KCTD1: variants seen among roughly 807,000 people sequenced by gnomAD.
KCTD1 encodes the protein BTB/POZ domain-containing protein KCTD1.
In KCTD1, 24 loss-of-function variants were observed where a neutral mutation model predicts 66.0. The ratio of observed to expected loss-of-function variants is 0.36; its 90% CI spans 0.26 to 0.51. KCTD1 has a LOEUF of 0.51. KCTD1 is among the 20% of genes least tolerant of loss of function. KCTD1 has a pLI of 0.95. For missense variants in KCTD1, 943 were observed against 1,205.2 expected (o/e 0.78, Z 3.22); for synonymous variants, 511 against 517.2 (o/e 0.99, Z 0.16).
chr18:26,510,557 C>T (rs1598907111), intron 1 of KCTD1, among the ~76,000 whole-genome samples: 1 of 152,096 alleles, frequency 6.6e-6, no homozygotes, highest in African/African-American at 2.4e-5. Flanking sequence ...CCTCAACATG[C>T]CTTTTTGTTT....
rs909794830 is a variant in KCTD1, at chr18:26,469,193, G to A, written c.2133+7322C>T. Among the ~76,000 whole-genome samples, 5 of 150,752 alleles carry A rather than the reference G, an allele frequency of 3.3e-5. No individual in the cohort carries two copies. The East Asian group carries it at 7.8e-4, about 23-fold the overall frequency. On this transcript the variant is annotated intron_variant, in intron 3 of 4. Coordinates refer to ENST00000580059, the MANE Select transcript of KCTD1 (RefSeq NM_001142730.3). The stretch of plus-strand genomic sequence containing the variant: ...TTGTTTTTTTTTTTTTCCCTCAAGC[G>A]TGGGTTACAGCTAAATCCTTAGCCA...
At position 26,646,273 on chromosome 18, in the gene KCTD1, G is replaced by T. The variant is rs482762; in HGVS notation, c.9+11087C>A. Among the ~76,000 whole-genome samples the T allele has an allele frequency of 5.2e-3, 795 of 152,280 alleles. 4 individuals are homozygous for T. Among genetic ancestry groups the T allele is most frequent in the Admixed American group, 9.5e-3 (145 of 15,290 alleles). On this transcript the variant is annotated intron_variant, in intron 1 of 4. Transcript: ENST00000580191. ...CCAATATACTTTGTCAAGTTGTTAG[G>T]GGGAGCAGGAGGGAGAAAGAAAGAG...
At chr18:26,581,745 C>A (rs2144922683) in intron 1 of KCTD1, 1 of 152,166 alleles carries the variant, frequency 6.6e-6, no homozygotes, top group Admixed American at 6.6e-5. Context: ...TAAATAAATA[C>A]ATACATATTT....
chr18:26,579,180 G>A (rs775406334), intron 1 of KCTD1, among the ~76,000 whole-genome samples: 5 of 152,082 alleles, frequency 3.3e-5, no homozygotes, highest in South Asian at 2.1e-4. Flanking sequence ...CACACAGTCA[G>A]TGCTCTAAAC....
chr18:26,590,153 A>T (rs1986565092), intron 1 of KCTD1, among the ~76,000 whole-genome samples: 1 of 151,992 alleles, frequency 6.6e-6, no homozygotes, highest in Non-Finnish European at 1.5e-5. Context: ...GCATGATCTC[A>T]GCTCACTGCA....
At chr18:26,588,198 T>C (rs1658997) in intron 1 of KCTD1, among the ~76,000 whole-genome samples, 32,251 of 152,032 alleles carry the variant, frequency 0.21, 3,539 homozygotes, top group East Asian at 0.33. Flanking sequence ...AAGCCAAGGC[T>C]GGCTTGAACC....
At chr18:26,620,378 A>ACC (rs1568011901) in intron 1 of KCTD1, among the ~76,000 whole-genome samples, 1 of 141,188 alleles carries the variant, frequency 7.1e-6, no homozygotes, top group Non-Finnish European at 1.5e-5. Flanking sequence ...AAAAAAAAAA[A>ACC]AAAAAAACTA....
chr18:26,585,428 G>A (rs764760989), intron 1 of KCTD1, among the ~76,000 whole-genome samples: 3 of 152,146 alleles, frequency 2.0e-5, no homozygotes, highest in Non-Finnish European at 2.9e-5. Flanking sequence ...ACTATTTAAT[G>A]AGTGACTTTA....
intron 1 of KCTD1, among the ~76,000 whole-genome samples, chr18:26,514,445 G>A (rs926535922): frequency 6.6e-6 from 1 of 151,514 alleles, no homozygotes; most frequent in African/African-American, 2.4e-5. Context: ...TGTGACTCAG[G>A]AGGTTGAAAC....
At chr18:26,570,191 A>ATATATATATAT (rs1555643816) in intron 1 of KCTD1, among the ~76,000 whole-genome samples, 139 of 132,534 alleles carry the variant, frequency 1.0e-3, no homozygotes, top group Middle Eastern at 4.3e-3. Flanking sequence ...ATCTAAAAAA[A>ATATATATATAT]ATATATATAT....
intron 1 of KCTD1, among the ~76,000 whole-genome samples, chr18:26,578,960 T>C (rs1303002575): frequency 2.6e-5 from 4 of 152,160 alleles, no homozygotes; most frequent in African/African-American, 7.2e-5. Flanking sequence ...GCCAATTGCA[T>C]AGGAAATAGG....
intron 1 of KCTD1, among the ~76,000 whole-genome samples, chr18:26,620,377 A>C (rs867926959): frequency 0.02 from 2,864 of 140,808 alleles, 185 homozygotes; most frequent in African/African-American, 0.07. Flanking sequence ...AAAAAAAAAA[A>C]AAAAAAAACT....
At position 26,468,390 on chromosome 18, in the gene KCTD1, G is replaced by A. The variant is rs74578238; in HGVS notation, c.2133+8125C>T. On this transcript the variant is annotated intron_variant, in intron 3 of 4. Coordinates refer to ENST00000580059, the MANE Select transcript of KCTD1 (RefSeq NM_001142730.3). This position sits in a 1 kb window ranked among gnomAD's most constrained non-coding sequence, Gnocchi z 4.8. ...TATCCGGCTCGGACAGCACATTTGC[G>A]GAATGAGATTTTAGGGGTGGAGGAT... Among the ~76,000 whole-genome samples, 373 of 152,296 alleles carry A rather than the reference G, an allele frequency of 2.4e-3. 12 individuals are homozygous for A. In the East Asian group the frequency reaches 0.057, roughly 23 times the overall value.
At chr18:26,456,734 C>T (rs1348085310) in intron 4 of KCTD1, 3 of 152,030 alleles carry the variant, frequency 2.0e-5, no homozygotes, top group African/African-American at 7.2e-5. Flanking sequence ...ATGTCTGACA[C>T]TGTTAAATGC....
upstream of KCTD1, among the ~76,000 whole-genome samples, chr18:26,642,390 G>A (rs528803335): frequency 5.4e-4 from 82 of 152,258 alleles, no homozygotes; most frequent in Admixed American, 1.8e-3. Context: ...CACTAAATAA[G>A]CAATGGTTGA....
intron 1 of KCTD1, among the ~76,000 whole-genome samples, chr18:26,594,757 C>A (rs1365978216): frequency 2.0e-5 from 3 of 152,072 alleles, no homozygotes; most frequent in Non-Finnish European, 2.9e-5. Context: ...GAGCAGATTA[C>A]CCCCCATCAT....
intron 1 of KCTD1, among the ~76,000 whole-genome samples, chr18:26,562,447 CG>C (rs1263551163): frequency 1.0e-4 from 3 of 29,622 alleles, no homozygotes; most frequent in African/African-American, 4.1e-4. Context: ...GGGGTGGGGG[CG>C]GGGGGTTCTC....
intron 2 of KCTD1, among the ~76,000 whole-genome samples, chr18:26,477,648 TA>T (rs956882807): frequency 2.0e-5 from 3 of 152,162 alleles, no homozygotes; most frequent in African/African-American, 7.2e-5. Context: ...GGGGCAGGTG[TA>T]ATGATAAATC....
intron 1 of KCTD1, among the ~76,000 whole-genome samples, chr18:26,514,557 A>C (rs1378384817): frequency 1.8e-5 from 1 of 56,500 alleles, no homozygotes; most frequent in Non-Finnish European, 3.8e-5. Context: ...CTCAAAAAAA[A>C]AAAAAAAAAA....
Sources: gnomAD v4.1 joint callset for allele counts (sites outside exome capture counted in the v4.1 genomes callset) on GRCh38, gnomAD v4.1.1 for gene constraint, Gnocchi (gnomAD v3.1) non-coding constraint, MANE v1.5 for transcripts, NCBI Gene and HGNC (gene_info 2026-07-23, HGNC 2026-07-21) for gene names.